The following CNBD1 variants were observed in gnomAD, a reference collection of about 807,000 sequenced individuals.
CNBD1 encodes the protein cyclic nucleotide-binding domain-containing protein 1.
A neutral mutation model predicts 54.4 loss-of-function variants in CNBD1; 71 were observed. The ratio of observed to expected loss-of-function variants is 1.30; its 90% CI spans 1.08 to 1.59. CNBD1 has a LOEUF of 1.59. CNBD1 is among the 40% of genes most tolerant of loss of function. CNBD1 has a pLI of 0.00. For missense variants in CNBD1, 659 were observed against 518.0 expected (o/e 1.27, Z -2.64); for synonymous variants, 182 against 170.7 (o/e 1.07, Z -0.51).
chr8:87,376,201 C>T (rs989043210), intron 10 of CNBD1, among the ~76,000 whole-genome samples: 3 of 151,830 alleles, frequency 2.0e-5, no homozygotes, highest in South Asian at 2.1e-4. Context: ...AAACAACAAA[C>T]GTTTATTTTC....
At chr8:87,079,048 AT>A (rs35506402) in intron 4 of CNBD1, among the ~76,000 whole-genome samples, 20 of 148,692 alleles carry the variant, frequency 1.3e-4, no homozygotes, top group East Asian at 5.9e-4. Context: ...GAAACTACCA[AT>A]TTTTTTTTTT....
intron 8 of CNBD1, among the ~76,000 whole-genome samples, chr8:87,311,799 T>C (rs1809271867): frequency 6.6e-6 from 1 of 152,054 alleles, no homozygotes; most frequent in Non-Finnish European, 1.5e-5. Context: ...TTTGCAGCAA[T>C]ATGAATGCAG....
intron 2 of CNBD1, among the ~76,000 whole-genome samples, chr8:87,422,582 G>T (rs1277038507): frequency 6.6e-6 from 1 of 152,066 alleles, no homozygotes; most frequent in Non-Finnish European, 1.5e-5. Context: ...TCAGATAGTT[G>T]CAGATATGCG....
At chr8:87,023,703 A>G (rs1809536829) in intron 4 of CNBD1, among the ~76,000 whole-genome samples, 1 of 152,208 alleles carries the variant, frequency 6.6e-6, no homozygotes, top group Non-Finnish European at 1.5e-5. Context: ...ACACTGAGTT[A>G]GAATCCCTAA....
intron 6 of CNBD1, among the ~76,000 whole-genome samples, chr8:87,250,307 C>A (rs1807889055): frequency 6.6e-6 from 1 of 152,060 alleles, no homozygotes; most frequent in African/African-American, 2.4e-5. Context: ...TGGCTGTTAT[C>A]CAAGACAGGT....
At chr8:87,093,951 A>T (rs959519965) in intron 4 of CNBD1, among the ~76,000 whole-genome samples, 2 of 152,166 alleles carry the variant, frequency 1.3e-5, no homozygotes, top group Non-Finnish European at 2.9e-5. Context: ...AGGAACAGAG[A>T]ACACAATAGG....
intron 5 of CNBD1, among the ~76,000 whole-genome samples, chr8:87,226,096 C>A (rs1422805770): frequency 2.0e-5 from 3 of 151,956 alleles, no homozygotes; most frequent in African/African-American, 4.8e-5. Flanking sequence ...ATCCCCTTTA[C>A]CATTTTTTAT....
Position 87,205,883 on chromosome 8 carries a change from C to T in CNBD1, c.432-110C>T. ...TAGCATCACAGTTCTTTTTTAAAAACCCTTAACTAAACAGAAAATACAAAT... is the reference window on the plus strand; with the variant it reads ...TAGCATCACAGTTCTTTTTTAAAAATCCTTAACTAAACAGAAAATACAAAT... On this transcript the variant is annotated intron_variant, in intron 4 of 10. Coordinates refer to ENST00000518476, the MANE Select transcript of CNBD1 (RefSeq NM_173538.3). 3.3e-6 allele frequency: 3 copies of T among 895,886 alleles called. No individual in the cohort carries two copies. In the South Asian group the frequency reaches 9.3e-5, roughly 28 times the overall value. The allele number at this position is 895,886 out of a possible 1,614,324, so 55.5% of individuals were successfully genotyped here. A position where few individuals can be genotyped will look rare whatever the true frequency, so the allele number is the denominator to read the frequency against.
chr8:87,020,075 A>G (rs572149151), intron 4 of CNBD1, among the ~76,000 whole-genome samples: 235 of 152,208 alleles, frequency 1.5e-3, no homozygotes, highest in African/African-American at 5.1e-3. Flanking sequence ...TCTACCTGTA[A>G]CCTTGGATGC....
At chr8:86,874,316 A>G (rs981977595) in intron 1 of CNBD1, among the ~76,000 whole-genome samples, 11 of 152,096 alleles carry the variant, frequency 7.2e-5, no homozygotes, top group African/African-American at 2.4e-4. Flanking sequence ...ATATCTTTCA[A>G]TTTGGTTTGT....
intron 10 of CNBD1, among the ~76,000 whole-genome samples, chr8:87,364,600 C>T (rs1274874989): frequency 6.6e-6 from 1 of 151,724 alleles, no homozygotes. Flanking sequence ...AGGTATCAAG[C>T]CTAGTTCCCA....
intron 8 of CNBD1, among the ~76,000 whole-genome samples, chr8:87,327,771 C>G (rs10113842): frequency 0.38 from 57,847 of 151,968 alleles, 11,293 homozygotes; most frequent in Middle Eastern, 0.46. Context: ...TTCTGCGTCG[C>G]TCACGCTGGG....
At chr8:87,141,662 A>G (rs149030883) in intron 4 of CNBD1, among the ~76,000 whole-genome samples, 1 of 152,198 alleles carries the variant, frequency 6.6e-6, no homozygotes, top group Non-Finnish European at 1.5e-5. Context: ...AAGGGTGAAG[A>G]TATAAAAGAT....
chr8:87,285,792 C>G (rs1381401677), intron 7 of CNBD1, among the ~76,000 whole-genome samples: 1 of 152,174 alleles, frequency 6.6e-6, no homozygotes, highest in East Asian at 1.9e-4. Flanking sequence ...ATTGCTTGAA[C>G]CCAGGAAGTG....
intron 8 of CNBD1, among the ~76,000 whole-genome samples, chr8:87,290,246 A>C (rs1362758483): frequency 9.2e-5 from 14 of 152,038 alleles, no homozygotes; most frequent in Non-Finnish European, 8.8e-5. Context: ...TCAAAAACAA[A>C]GAAAAAAGAG....
chr8:86,891,824 T>C (rs1465184381), intron 2 of CNBD1, among the ~76,000 whole-genome samples: 1 of 152,104 alleles, frequency 6.6e-6, no homozygotes, highest in African/African-American at 2.4e-5. Context: ...CTATTTTTGT[T>C]GTTGCTATAG....
At chr8:87,112,065 A>G (rs1811674493) in intron 4 of CNBD1, among the ~76,000 whole-genome samples, 1 of 152,162 alleles carries the variant, frequency 6.6e-6, no homozygotes, top group Non-Finnish European at 1.5e-5. Context: ...ACACTTCTGC[A>G]GAACTGAGTC....
chr8:87,318,126 T>G (rs1332073868), intron 8 of CNBD1, among the ~76,000 whole-genome samples: 5 of 152,068 alleles, frequency 3.3e-5, no homozygotes, highest in South Asian at 2.1e-4. Context: ...ATGGGATATG[T>G]GTTTGATAAT....
intron 5 of CNBD1, among the ~76,000 whole-genome samples, chr8:87,232,633 C>T (rs1807468267): frequency 6.6e-6 from 1 of 151,930 alleles, no homozygotes; most frequent in Admixed American, 6.6e-5. Context: ...ATAAATTTAG[C>T]TAAAAAACGT....
Sources: allele counts gnomAD v4.1 joint callset (sites outside exome capture counted in the v4.1 genomes callset), GRCh38; gene constraint gnomAD v4.1.1; transcripts MANE v1.5; gene names NCBI Gene and HGNC (gene_info 2026-07-23, HGNC 2026-07-21).